The following MGAT4C variants were observed in gnomAD, a reference collection of about 807,000 sequenced individuals.
MGAT4C encodes MGAT4 family member C.
A neutral mutation model predicts 40.1 loss-of-function variants in MGAT4C; 19 were observed. That is an observed-to-expected ratio of 0.47 (90% CI 0.33 to 0.70). MGAT4C has a LOEUF of 0.70. Among genes scored for constraint, MGAT4C ranks in the 30% least tolerant of loss-of-function variants. The probability of loss-of-function intolerance (pLI) is 0.02; values close to 1 mark genes in which losing one functional copy is unlikely to be tolerated. For missense variants in MGAT4C, 491 were observed against 563.2 expected (o/e 0.87, Z 1.30); for synonymous variants, 181 against 187.1 (o/e 0.97, Z 0.27).
chr12:86,573,014 A>C (rs532315002), intron 2 of MGAT4C, among the ~76,000 whole-genome samples: 2 of 152,090 alleles, frequency 1.3e-5, no homozygotes, highest in South Asian at 4.2e-4. Flanking sequence ...TAGTTTTTTA[A>C]ATTTGTGTAG....
chr12:86,324,772 T>G (rs547734360), intron 4 of MGAT4C, among the ~76,000 whole-genome samples: 1 of 152,174 alleles, frequency 6.6e-6, no homozygotes, highest in Non-Finnish European at 1.5e-5. Context: ...ATTTGCTCTC[T>G]GCCCCAGATT....
chr12:86,726,583 C>T (rs942306739), intron 2 of MGAT4C, among the ~76,000 whole-genome samples: 4 of 152,112 alleles, frequency 2.6e-5, no homozygotes, highest in Non-Finnish European at 5.9e-5. Flanking sequence ...GTAACACAAC[C>T]TTGGTTAGAG....
At chr12:86,589,581 C>G (rs1961231090) in intron 2 of MGAT4C, among the ~76,000 whole-genome samples, 2 of 151,882 alleles carry the variant, frequency 1.3e-5, no homozygotes, top group Non-Finnish European at 2.9e-5. Context: ...GATACCAAAG[C>G]CGGGCAGAGA....
chr12:86,003,393 C>T (rs115128326), intron 2 of MGAT4C, among the ~76,000 whole-genome samples: 578 of 152,106 alleles, frequency 3.8e-3, no homozygotes, highest in African/African-American at 0.013. Context: ...ATTATCAGTT[C>T]GACCTTAGAA....
Position 86,623,066 on chromosome 12 carries a change from C to A in MGAT4C, c.-229+104143G>T, listed in dbSNP as rs938213421. Among the ~76,000 whole-genome samples the A allele has an allele frequency of 2.6e-5, 4 of 152,134 alleles. No homozygotes were observed. The East Asian group carries it at 7.7e-4, about 29-fold the overall frequency. On this transcript the variant is annotated intron_variant, in intron 2 of 7. Coordinates refer to the MGAT4C transcript ENST00000548651. The stretch of plus-strand genomic sequence containing the variant: ...GATTAGTGAACCTGGTTCATAGAAA[C>A]AAAAGTTATGAAGCAGAGCATTAGT...
At chr12:86,054,232 C>T (rs1419103264) in intron 1 of MGAT4C, among the ~76,000 whole-genome samples, 1 of 151,826 alleles carries the variant, frequency 6.6e-6, no homozygotes, top group South Asian at 2.1e-4. Flanking sequence ...AAAAACTATT[C>T]AGTCTTAAAA....
intron 2 of MGAT4C, among the ~76,000 whole-genome samples, chr12:86,511,869 G>T (rs1958594035): frequency 6.6e-6 from 1 of 152,014 alleles, no homozygotes; most frequent in African/African-American, 2.4e-5. Context: ...AACAACATTG[G>T]CAACAAAAGT....
At chr12:86,448,639 G>A (rs943793201) in intron 2 of MGAT4C, among the ~76,000 whole-genome samples, 7 of 152,044 alleles carry the variant, frequency 4.6e-5, no homozygotes, top group Non-Finnish European at 8.8e-5. Context: ...AATTATTTTT[G>A]AAGAAATAAA....
At position 86,049,684 on chromosome 12, in the gene MGAT4C, A is replaced by G. The variant is rs921501763; in HGVS notation, c.-17T>C. The stretch of plus-strand genomic sequence containing the variant: ...GACATAGAATCTCACCTTAAGAAAG[A>G]CGCTGTCATAATCTGTGCTGTACAG... On this transcript the variant is annotated 5_prime_UTR_variant, in exon 2 of 5. Coordinates refer to ENST00000611864, the MANE Select transcript of MGAT4C (RefSeq NM_001351288.2). 1.0e-6 allele frequency: 1 copy of G among 983,946 alleles called. No individual in the cohort carries two copies. Among genetic ancestry groups the G allele is most frequent in the African/African-American group, 1.7e-5 (1 of 57,164 alleles). 61.0% of individuals were successfully genotyped at this position (983,946 alleles called of 1,614,324 possible).
intron 4 of MGAT4C, among the ~76,000 whole-genome samples, chr12:85,980,753 A>G (rs2136685465): frequency 6.6e-6 from 1 of 152,230 alleles, no homozygotes; most frequent in Admixed American, 6.5e-5. Flanking sequence ...ATTCTCATAT[A>G]CGCCCATTAG....
chr12:86,454,359 C>T (rs1957475859), intron 2 of MGAT4C, among the ~76,000 whole-genome samples: 1 of 152,112 alleles, frequency 6.6e-6, no homozygotes, highest in Admixed American at 6.5e-5. Flanking sequence ...TTTCAAGTAG[C>T]TGGAACTACA....
intron 1 of MGAT4C, among the ~76,000 whole-genome samples, chr12:86,168,338 A>T (rs1253396276): frequency 6.6e-6 from 1 of 152,214 alleles, no homozygotes; most frequent in African/African-American, 2.4e-5. Context: ...GTAATGAAAC[A>T]AATCAAGACA....
intron 1 of MGAT4C, among the ~76,000 whole-genome samples, chr12:86,797,707 AGCT>A: frequency 6.6e-6 from 1 of 152,062 alleles, no homozygotes; most frequent in East Asian, 1.9e-4. Flanking sequence ...TCCTGATTTC[AGCT>A]AATGAAAATC....
intron 2 of MGAT4C, among the ~76,000 whole-genome samples, chr12:86,521,210 A>G (rs1189750634): frequency 2.6e-5 from 4 of 152,116 alleles, no homozygotes; most frequent in Admixed American, 6.6e-5. Context: ...TAGATTTTAC[A>G]TTTAAGTCTT....
At chr12:86,761,629 G>C (rs1022528068) in intron 1 of MGAT4C, among the ~76,000 whole-genome samples, 3 of 152,138 alleles carry the variant, frequency 2.0e-5, no homozygotes, top group Non-Finnish European at 2.9e-5. Context: ...TCAGGAGAAG[G>C]CTGGTTCCTT....
intron 2 of MGAT4C, among the ~76,000 whole-genome samples, chr12:86,690,406 G>A (rs1027436169): frequency 8.5e-5 from 13 of 152,248 alleles, no homozygotes; most frequent in African/African-American, 2.2e-4. Flanking sequence ...CCAAACAGCC[G>A]CCAGTTTTGT....
chr12:86,266,271 G>A (rs57977247), intron 4 of MGAT4C, among the ~76,000 whole-genome samples: 10,745 of 152,030 alleles, frequency 0.071, 917 homozygotes, highest in East Asian at 0.25. Context: ...ATTGGCTATG[G>A]GTTTGTCATA....
intron 2 of MGAT4C, among the ~76,000 whole-genome samples, chr12:86,607,266 T>A (rs945148115): frequency 1.3e-5 from 2 of 152,046 alleles, no homozygotes; most frequent in African/African-American, 4.8e-5. Context: ...AAAACTACAT[T>A]TATTATTAAC....
At chr12:86,334,468 C>G (rs1191519943) in intron 3 of MGAT4C, among the ~76,000 whole-genome samples, 2 of 151,968 alleles carry the variant, frequency 1.3e-5, no homozygotes, top group African/African-American at 4.8e-5. Flanking sequence ...AAGAAATAAG[C>G]CATGTAACTT....
Sources: allele counts gnomAD v4.1 joint callset (sites outside exome capture counted in the v4.1 genomes callset), GRCh38; gene constraint gnomAD v4.1.1; transcripts MANE v1.5; gene names NCBI Gene and HGNC (gene_info 2026-07-23, HGNC 2026-07-21).